Variants in TRMT11 observed in about 807,000 individuals in gnomAD.
The protein encoded by TRMT11 is tRNA methyltransferase 11.
In TRMT11, 53 loss-of-function variants were observed where a neutral mutation model predicts 62.8. The observed-to-expected ratio is 0.84, with a 90% CI of 0.68 to 1.06. The LOEUF (loss-of-function observed/expected upper bound fraction) is 1.06, where lower values mean the gene tolerates loss of function less well. TRMT11 is among the 50% of genes least tolerant of loss of function. The probability of loss-of-function intolerance (pLI) is 0.00; values close to 1 mark genes in which losing one functional copy is unlikely to be tolerated. For missense variants in TRMT11, 556 were observed against 553.4 expected (o/e 1.00, Z -0.05); for synonymous variants, 188 against 190.3 (o/e 0.99, Z 0.10).
intron 21 of TRMT11, among the ~76,000 whole-genome samples, chr6:126,154,824 G>C (rs1273549446): frequency 6.6e-6 from 1 of 152,186 alleles, no homozygotes; most frequent in Non-Finnish European, 1.5e-5. Flanking sequence ...CCTGGTCCAA[G>C]CATGGACTGA....
chr6:126,045,909 T>C (rs1222481692), intron 16 of TRMT11, among the ~76,000 whole-genome samples: 1 of 151,852 alleles, frequency 6.6e-6, no homozygotes, highest in Non-Finnish European at 1.5e-5. Context: ...TAAAGGATTG[T>C]TTTTTTTCCA....
At chr6:126,196,827 T>A (rs1268714671) in intron 1 of TRMT11, among the ~76,000 whole-genome samples, 4 of 152,136 alleles carry the variant, frequency 2.6e-5, no homozygotes, top group Non-Finnish European at 5.9e-5. Context: ...CCATTAAATT[T>A]CCATTGTTAA....
chr6:126,054,697 T>C (rs529747186), intron 17 of TRMT11, among the ~76,000 whole-genome samples: 2 of 152,318 alleles, frequency 1.3e-5, no homozygotes, highest in East Asian at 1.9e-4. Flanking sequence ...GCTGTTGAAG[T>C]GTCATGATTT....
At chr6:125,996,092 C>T in intron 3 of TRMT11, 52 bp downstream of exon 3, 2 of 1,258,570 alleles carry the variant, frequency 1.6e-6, no homozygotes, top group South Asian at 1.2e-5. Context: ...TTCTCATAAC[C>T]ACTCAATCCT....
At chr6:126,264,282 T>C in the TRMT11 span, among the ~76,000 whole-genome samples, 1 of 152,228 alleles carries the variant, frequency 6.6e-6, no homozygotes, top group African/African-American at 2.4e-5. Context: ...TTTCTTTTTT[T>C]CAGTTTTATT....
chr6:126,258,339 A>G, the TRMT11 span: 1 of 382,024 alleles, frequency 2.6e-6, no homozygotes, highest in Non-Finnish European at 5.1e-6. Flanking sequence ...GCCGTCTGCC[A>G]TGGCGGCTGC....
At position 125,998,594 on chromosome 6, in the gene TRMT11, AC is replaced by A; in HGVS notation, c.434del (p.Pro145ArgfsTer13). ...TTGAAGGAAAAGTGAATTTAAAGAA[AC>A]CGCAACATGTATTTTCTGTTTTGGA... ...PFEGKVNLKK[P>X]QHVFSVLEDY... On this transcript the variant is annotated frameshift_variant, in exon 6 of 13. Transcript: ENST00000334379. LOFTEE classifies it high-confidence loss of function. The A allele has an allele frequency of 6.2e-7, 1 of 1,613,258 alleles. No individual in the cohort carries two copies.
Position 126,090,789 on chromosome 6 carries a change from C to T in TRMT11, c.*1438-22077C>T, listed in dbSNP as rs182823705. Among the ~76,000 whole-genome samples, 62 of 152,258 alleles carry T rather than the reference C, an allele frequency of 4.1e-4. 1 individual carries two copies. Among genetic ancestry groups the T allele is most frequent in the Non-Finnish European group, 7.1e-4 (48 of 68,016 alleles). On this transcript the variant is annotated intron_variant and NMD_transcript_variant, in intron 17 of 22. Coordinates refer to the TRMT11 transcript ENST00000648977. Reference sequence around the variant, plus strand: ...TTGAGAGAGAATCTCAATCCATACACGTGCGGTATGGGTGTTAGTTAATAT... The same window carrying T: ...TTGAGAGAGAATCTCAATCCATACATGTGCGGTATGGGTGTTAGTTAATAT...
chr6:126,110,511 A>G (rs947836777), intron 17 of TRMT11, among the ~76,000 whole-genome samples: 1 of 152,152 alleles, frequency 6.6e-6, no homozygotes, highest in African/African-American at 2.4e-5. Context: ...TTCTCTTTCA[A>G]CTGTCTGTAT....
intron 21 of TRMT11, among the ~76,000 whole-genome samples, chr6:126,137,440 A>T (rs1450577236): frequency 1.3e-5 from 2 of 151,856 alleles, no homozygotes; most frequent in East Asian, 1.9e-4. Flanking sequence ...CCACAATCAG[A>T]TATTATCTGA....
At chr6:126,191,219 G>A (rs888968752) in intron 1 of TRMT11, among the ~76,000 whole-genome samples, 1 of 151,728 alleles carries the variant, frequency 6.6e-6, no homozygotes, top group African/African-American at 2.4e-5. Flanking sequence ...TCATATACTT[G>A]TTGGCCATTT....
chr6:126,016,846 C>T (rs1583729642), intron 11 of TRMT11, among the ~76,000 whole-genome samples: 2 of 152,152 alleles, frequency 1.3e-5, no homozygotes, highest in East Asian at 3.9e-4. Context: ...CCCTGATGTT[C>T]ATTATTAGAC....
intron 21 of TRMT11, among the ~76,000 whole-genome samples, chr6:126,171,244 C>T (rs1009755057): frequency 4.0e-5 from 6 of 151,486 alleles, no homozygotes; most frequent in African/African-American, 1.2e-4. Context: ...AAGCAGGATT[C>T]GCTTACTTTT....
intron 17 of TRMT11, among the ~76,000 whole-genome samples, chr6:126,074,090 A>T (rs981236750): frequency 3.3e-5 from 5 of 152,240 alleles, no homozygotes; most frequent in African/African-American, 1.2e-4. Context: ...ACAGTTCCAG[A>T]TGAGATCTGA....
At chr6:126,151,862 C>CTTTCTTTCTTTCTTTAG (rs1562334839) in intron 21 of TRMT11, among the ~76,000 whole-genome samples, 1 of 112,938 alleles carries the variant, frequency 8.9e-6, no homozygotes, top group African/African-American at 3.6e-5. Context: ...TTCTTTCTTT[C>CTTTCTTTCTTTCTTTAG]TTTCCTTCTT....
downstream of TRMT11, among the ~76,000 whole-genome samples, chr6:126,040,637 C>A (rs536090329): frequency 3.3e-5 from 5 of 152,152 alleles, no homozygotes; most frequent in East Asian, 3.9e-4. Flanking sequence ...TATCACCTAG[C>A]AAATTGCCTG....
chr6:126,088,324 A>G (rs1777237165), intron 17 of TRMT11, among the ~76,000 whole-genome samples: 1 of 152,146 alleles, frequency 6.6e-6, no homozygotes, highest in South Asian at 2.1e-4. Context: ...CCTTTTTCAA[A>G]TTATAAGCTT....
chr6:126,196,921 T>G (rs1201858775), intron 1 of TRMT11, among the ~76,000 whole-genome samples: 3 of 152,132 alleles, frequency 2.0e-5, no homozygotes, highest in Admixed American at 6.5e-5. Context: ...TATTTAAACT[T>G]ATGAGAAAAA....
intron 17 of TRMT11, among the ~76,000 whole-genome samples, chr6:126,083,686 A>G (rs989543928): frequency 6.6e-6 from 1 of 152,154 alleles, no homozygotes; most frequent in African/African-American, 2.4e-5. Flanking sequence ...ATTTTATTAC[A>G]TAAAGTCCTC....
Sources: gnomAD v4.1 joint callset for allele counts (sites outside exome capture counted in the v4.1 genomes callset) on GRCh38, gnomAD v4.1.1 for gene constraint, MANE v1.5 for transcripts, NCBI Gene and HGNC (gene_info 2026-07-23, HGNC 2026-07-21) for gene names.